Variants in SLFN11 observed in about 807,000 individuals in gnomAD.
The protein encoded by SLFN11 is schlafen family member 11.
SLFN11 carries 43 observed loss-of-function variants against 53.4 expected under a neutral mutation model. The observed-to-expected ratio is 0.80, with a 90% CI of 0.63 to 1.04. SLFN11 has a LOEUF of 1.04. Ranked by LOEUF, SLFN11 falls within the 50% of genes least tolerant of loss-of-function variation. The probability of loss-of-function intolerance (pLI) is 0.00; values close to 1 mark genes in which losing one functional copy is unlikely to be tolerated. For synonymous variants in SLFN11, 389 were observed against 394.7 expected (o/e 0.99, Z 0.17); for missense variants, 990 against 1,079.1 (o/e 0.92, Z 1.16).
In SLFN11 at chr17:35,362,738, C is replaced by T. The variant is rs765655953; in HGVS notation, c.1069+1G>A. Reference sequence around the variant, plus strand: ...GGAGGGAGGAGCTTTCTCCCTCTTACCTGGATCTGTGTCTGTCATCATGCC... The same window carrying T: ...GGAGGGAGGAGCTTTCTCCCTCTTATCTGGATCTGTGTCTGTCATCATGCC... On this transcript the variant is annotated splice_donor_variant, in intron 4 of 6. Transcript: ENST00000685675. LOFTEE classifies it high-confidence loss of function. The T allele has an allele frequency of 3.2e-6, 5 of 1,545,686 alleles. No individual in the cohort carries two copies. In the Admixed American group the frequency reaches 1.0e-4, roughly 32 times the overall value.
chr17:35,371,357 C>A (rs1007224418), intron 1 of SLFN11, among the ~76,000 whole-genome samples: 1 of 152,108 alleles, frequency 6.6e-6, no homozygotes, highest in Non-Finnish European at 1.5e-5. Flanking sequence ...AGACTTCACA[C>A]TGTGAAACTA....
intron 1 of SLFN11, among the ~76,000 whole-genome samples, chr17:35,372,058 T>C (rs1289980207): frequency 6.6e-6 from 1 of 152,072 alleles, no homozygotes; most frequent in Non-Finnish European, 1.5e-5. Context: ...TAGCTAAGAT[T>C]TGGAAGCACT....
intron 5 of SLFN11, among the ~76,000 whole-genome samples, chr17:35,355,242 G>C (rs1907315396): frequency 6.6e-6 from 1 of 152,014 alleles, no homozygotes; most frequent in South Asian, 2.1e-4. Flanking sequence ...GACTCAAAGA[G>C]GTCAAGTGAG....
chr17:35,357,139 CGTGTGTGTGTGTGT>C lies in SLFN11; in HGVS notation c.1198+3090_1199-3081del, dbSNP rs35291259. Among the ~76,000 whole-genome samples the C allele has an allele frequency of 1.6e-3, 235 of 142,926 alleles. 3 individuals are homozygous for C. The highest frequency in any genetic ancestry group is 2.7e-3 in the African/African-American group (105 of 38,730). 93.8% of individuals were successfully genotyped at this position (142,926 alleles called of 152,430 possible). On this transcript the variant is annotated intron_variant, in intron 5 of 6. Transcript: ENST00000685675. ...GACTATCCGTGTTGATTTTTCTGTG[CGTGTGTGTGTGTGT>C]GTGTGTGTGTGTGTGTGTGTGTGTC...
At chr17:35,363,966 G>C in intron 3 of SLFN11, 140 bp from the exon 4 acceptor site, 4 of 646,026 alleles carry the variant, frequency 6.2e-6, no homozygotes, top group Non-Finnish European at 1.0e-5. Context: ...GAGAAGAATG[G>C]CTGGCAAGGA....
At chr17:35,361,982 C>T (rs371365134) in intron 4 of SLFN11, among the ~76,000 whole-genome samples, 1 of 152,064 alleles carries the variant, frequency 6.6e-6, no homozygotes, top group African/African-American at 2.4e-5. Flanking sequence ...GATCCACCCA[C>T]CTCAGCCTCC....
chr17:35,361,335 A>G (rs1446894121), intron 4 of SLFN11, among the ~76,000 whole-genome samples: 1 of 152,178 alleles, frequency 6.6e-6, no homozygotes, highest in African/African-American at 2.4e-5. Flanking sequence ...TAATGGGTAC[A>G]TGGTGATGAG....
chr17:35,372,360 A>C (rs1432222360), intron 1 of SLFN11, among the ~76,000 whole-genome samples: 1 of 152,012 alleles, frequency 6.6e-6, no homozygotes, highest in Non-Finnish European at 1.5e-5. Flanking sequence ...TAATGGGTAC[A>C]AAAAAATTAG....
chr17:35,353,916 C>A lies in SLFN11; in HGVS notation c.1342G>T (p.Asp448Tyr). ...ILIFSRSWAV[D>Y]LNLQEKPGVI... ...CCTGGCTTCTCCTGCAAGTTCAGGT[C>A]CACAGCCCAACTTCTAGAGAAGATC... The change falls in exon 6 of 7, where the codon GAC (aspartate) becomes TAC (tyrosine). Residue 448 changes from aspartate to tyrosine, a missense_variant. Coordinates refer to ENST00000685675, the MANE Select transcript of SLFN11 (RefSeq NM_001376007.1). The A allele has an allele frequency of 6.2e-7, 1 of 1,613,868 alleles. No homozygotes were observed. The highest frequency in any genetic ancestry group is 8.5e-7 in the Non-Finnish European group (1 of 1,179,980).
intron 5 of SLFN11, among the ~76,000 whole-genome samples, chr17:35,357,511 T>G (rs1016004764): frequency 1.3e-5 from 2 of 151,418 alleles, no homozygotes; most frequent in Admixed American, 1.3e-4. Flanking sequence ...AAAGTATGAG[T>G]TCATCTTTTA....
chr17:35,371,605 G>A lies in SLFN11; in HGVS notation c.-235+1869C>T, dbSNP rs1597731223. On this transcript the variant is annotated intron_variant, in intron 1 of 6. Coordinates refer to ENST00000685675, the MANE Select transcript of SLFN11 (RefSeq NM_001376007.1). ...GGGAGTAATAACCAGAACATATCAG[G>A]AGCTCCAACAACTCTATAGGGAAAA... Among the ~76,000 whole-genome samples the A allele has an allele frequency of 2.6e-5, 4 of 151,942 alleles. No homozygotes were observed. In the South Asian group the frequency reaches 8.3e-4, roughly 32 times the overall value.
At position 35,360,285 on chromosome 17, in the gene SLFN11, C is replaced by G. The variant is rs779531929; in HGVS notation, c.1156G>C (p.Gly386Arg). ...TGGAGTTCCTTTTTATGTTCCAGGCCTTTCTTGGAGTACACTGGTCTGCTA... is the reference window on the plus strand; with the variant it reads ...TGGAGTTCCTTTTTATGTTCCAGGCGTTTCTTGGAGTACACTGGTCTGCTA... ...PLSRPVYSKK[G>R]LEHKKELQQL... is the part of the protein sequence containing the mutation. Residue 386 changes from glycine (G) to arginine (R), a missense_variant, in exon 5 of 7, where the codon GGC becomes CGC. By Grantham distance (125) the Gly-to-Arg change is moderately radical. Transcript: ENST00000685675. 6.2e-7 allele frequency: 1 copy of G among 1,610,668 alleles called. No homozygotes were observed. The highest frequency in any genetic ancestry group is 1.7e-5 in the Admixed American group (1 of 59,360).
chr17:35,358,530 G>A (rs1409924894), intron 5 of SLFN11, among the ~76,000 whole-genome samples: 1 of 150,906 alleles, frequency 6.6e-6, no homozygotes, highest in Admixed American at 6.6e-5. Flanking sequence ...GATGTTCTTG[G>A]TGGACATATA....
chr17:35,370,473 A>G (rs1909506006), intron 1 of SLFN11, among the ~76,000 whole-genome samples: 1 of 152,098 alleles, frequency 6.6e-6, no homozygotes, highest in South Asian at 2.1e-4. Flanking sequence ...AATCCTAGCT[A>G]GAGCAATTAG....
In SLFN11 at chr17:35,363,674, C is replaced by G; in HGVS notation, c.134G>C (p.Arg45Thr). 4 of 1,613,604 alleles carry G rather than the reference C, an allele frequency of 2.5e-6. No individual in the cohort carries two copies. The highest frequency in any genetic ancestry group is 3.4e-6 in the Non-Finnish European group (4 of 1,179,688). ...QKIQRDQEKE[R>T]VMRAACALLN... ...TAAAGCACATGCAGCCCGCATAACT[C>G]TCTCCTTCTCTTGGTCTCTCTGAAT... The change falls in exon 4 of 7, where the codon AGA (arginine) becomes ACA (threonine). Residue 45 changes from arginine to threonine, a missense_variant. Arg to Thr is a moderately conservative substitution (Grantham distance 71). Around this residue, in one of 3 missense-constraint regions of SLFN11, gnomAD observed 521 missense variants for 516.2 expected, o/e 1.01. Coordinates refer to ENST00000685675, the MANE Select transcript of SLFN11 (RefSeq NM_001376007.1).
chr17:35,359,132 T>A, intron 5 of SLFN11, among the ~76,000 whole-genome samples: 1 of 152,028 alleles, frequency 6.6e-6, no homozygotes, highest in East Asian at 1.9e-4. Context: ...AGAAAACTGA[T>A]TTTTTTATAC....
Position 35,350,828 on chromosome 17 carries a change from G to GT in SLFN11, c.*1527dup, listed in dbSNP as rs1217097221. 2.6e-5 allele frequency: 4 copies of GT among 152,186 alleles called. No individual in the cohort carries two copies. The highest frequency in any genetic ancestry group is 9.7e-5 in the African/African-American group (4 of 41,436). The allele number at this position is 152,186 out of a possible 1,614,324, so 9.4% of individuals were successfully genotyped here. On this transcript the variant is annotated 3_prime_UTR_variant, in exon 7 of 7. Coordinates refer to ENST00000685675, the MANE Select transcript of SLFN11 (RefSeq NM_001376007.1). Reference sequence around the variant, plus strand: ...CACAGTCTGGGGGGAAATCAGTAGAGTAAGATTACCAATAAGTGAAATATT... The same window carrying GT: ...CACAGTCTGGGGGGAAATCAGTAGAGTTAAGATTACCAATAAGTGAAATATT...
At chr17:35,357,149 T>C (rs1016194619) in intron 5 of SLFN11, among the ~76,000 whole-genome samples, 1 of 150,050 alleles carries the variant, frequency 6.7e-6, no homozygotes, top group African/African-American at 2.5e-5. Context: ...CGTGTGTGTG[T>C]GTGTGTGTGT....
chr17:35,363,569 G>A lies in SLFN11; in HGVS notation c.239C>T (p.Ser80Phe). Residue 80 changes from serine (S) to phenylalanine (F), a missense_variant, in exon 4 of 7, where the codon TCT becomes TTT. Physicochemically the swap from Ser to Phe is radical, Grantham distance 155. Around this residue, in one of 3 missense-constraint regions of SLFN11, gnomAD observed 521 missense variants for 516.2 expected, o/e 1.01. Transcript: ENST00000685675. The part of the protein sequence containing the change: ...PVEMGLDLEQ[S>F]LRELIQSSDL... ...TGAAGACTGAATAAGCTCTCTCAAA[G>A]ACTGTTCTAAATCCAGTCCCATCTC... The A allele has an allele frequency of 6.2e-7, 1 of 1,613,996 alleles. No individual in the cohort carries two copies. Among genetic ancestry groups the A allele is most frequent in the Non-Finnish European group, 8.5e-7 (1 of 1,179,970 alleles).
Sources: gnomAD v4.1 joint callset for allele counts (sites outside exome capture counted in the v4.1 genomes callset) on GRCh38, gnomAD v4.1.1 for gene constraint, gnomAD v4.1.1 regional missense constraint, MANE v1.5 for transcripts, NCBI Gene and HGNC (gene_info 2026-07-23, HGNC 2026-07-21) for gene names.